IL1RAPL2: variants seen among roughly 807,000 people sequenced by gnomAD.
The protein encoded by IL1RAPL2 is interleukin 1 receptor accessory protein like 2.
A neutral mutation model predicts 44.1 loss-of-function variants in IL1RAPL2; 3 were observed. The observed-to-expected ratio is 0.07, with a 90% CI of 0.03 to 0.18. The LOEUF (loss-of-function observed/expected upper bound fraction) is 0.18. Among genes scored for constraint, IL1RAPL2 ranks in the 10% least tolerant of loss-of-function variants. The pLI is 1.00. For missense variants in IL1RAPL2, 391 were observed against 496.4 expected (o/e 0.79, Z 2.02); for synonymous variants, 181 against 178.8 (o/e 1.01, Z -0.10).
chrX:105,406,059 C>T (rs749615760), intron 5 of IL1RAPL2: 4 of 1,198,466 alleles, frequency 3.3e-6, no homozygotes, highest in African/African-American at 1.8e-5. Context: ...TACAACTACA[C>T]GCATTACTCC....
At chrX:105,504,207 C>T (rs1210432532) in intron 6 of IL1RAPL2, among the ~76,000 whole-genome samples, 1 of 111,312 alleles carries the variant, frequency 9.0e-6, no homozygotes, top group African/African-American at 3.3e-5. Context: ...TGGAAAGATA[C>T]ACTATTAGAC....
intron 2 of IL1RAPL2, among the ~76,000 whole-genome samples, chrX:104,673,177 C>A (rs1271832655): frequency 9.0e-6 from 1 of 111,628 alleles, no homozygotes; most frequent in African/African-American, 3.3e-5. Flanking sequence ...TTGCCCATGC[C>A]TATGTCCTGA....
At chrX:105,252,549 C>A (rs1261946401) in intron 4 of IL1RAPL2, among the ~76,000 whole-genome samples, 6 of 111,754 alleles carry the variant, frequency 5.4e-5, no homozygotes, top group African/African-American at 1.6e-4. Flanking sequence ...TTGAGTATAT[C>A]TTTAATGGCA....
intron 2 of IL1RAPL2, among the ~76,000 whole-genome samples, chrX:104,701,546 C>G (rs370981979): frequency 3.6e-5 from 4 of 112,009 alleles, no homozygotes; most frequent in African/African-American, 1.3e-4. Flanking sequence ...TGTTTACCAG[C>G]TACTGATGTC....
intron 2 of IL1RAPL2, among the ~76,000 whole-genome samples, chrX:105,182,643 A>G (rs1441970310): frequency 8.9e-6 from 1 of 111,892 alleles, no homozygotes; most frequent in Non-Finnish European, 1.9e-5. Context: ...GTTATTATTG[A>G]TAAGTGAGTA....
At chrX:104,948,325 A>T (rs1029116683) in intron 2 of IL1RAPL2, among the ~76,000 whole-genome samples, 1 of 108,888 alleles carries the variant, frequency 9.2e-6, no homozygotes, top group Non-Finnish European at 1.9e-5. Context: ...GGGCTGAGAC[A>T]ATGGGGTTTT....
At chrX:105,241,864 C>T (rs187896657) in intron 4 of IL1RAPL2, among the ~76,000 whole-genome samples, 116 of 112,252 alleles carry the variant, frequency 1.0e-3, no homozygotes, top group Non-Finnish European at 1.7e-4. Flanking sequence ...CAAAAATCCA[C>T]ATTCCCATGC....
chrX:105,324,536 T>TTA (rs10654697), intron 5 of IL1RAPL2, among the ~76,000 whole-genome samples: 11,176 of 110,261 alleles, frequency 0.1, 1,483 homozygotes, highest in African/African-American at 0.35. Context: ...TTTAGCATAG[T>TTA]TATATATATA....
At chrX:105,222,541 C>T (rs2033975094) in intron 3 of IL1RAPL2, among the ~76,000 whole-genome samples, 1 of 111,912 alleles carries the variant, frequency 8.9e-6, no homozygotes, top group African/African-American at 3.2e-5. Context: ...ACAGAAAGAG[C>T]ATCCAGAAGA....
At chrX:105,319,448 A>G (rs1193161166) in intron 5 of IL1RAPL2, among the ~76,000 whole-genome samples, 1 of 111,871 alleles carries the variant, frequency 8.9e-6, no homozygotes, top group African/African-American at 3.3e-5. Flanking sequence ...GGGCAGGAAC[A>G]TCATAACTTT....
rs113757016 is a variant in IL1RAPL2 at position 104,569,967 on chromosome X, C to G, written c.-20+2916C>G. Among the ~76,000 whole-genome samples the G allele has an allele frequency of 3.0e-3, 342 of 112,204 alleles. 2 individuals are homozygous for G. Among genetic ancestry groups the G allele is most frequent in the African/African-American group, 0.011 (325 of 30,912 alleles). On this transcript the variant is annotated intron_variant, in intron 1 of 10. Transcript: ENST00000372582. ...ATTTGGAAATTTCCTGTAACTGCAG[C>G]AGTAATGATTACAGCTGGGACTGTT...
At chrX:105,281,018 T>C (rs771178967) in intron 5 of IL1RAPL2, among the ~76,000 whole-genome samples, 14 of 111,612 alleles carry the variant, frequency 1.3e-4, no homozygotes, top group Admixed American at 1.2e-3. Flanking sequence ...TACTTGGAAC[T>C]AACCCAAATG....
chrX:104,686,278 T>C (rs1434351532), intron 2 of IL1RAPL2, among the ~76,000 whole-genome samples: 1 of 112,311 alleles, frequency 8.9e-6, no homozygotes, highest in Non-Finnish European at 1.9e-5. Context: ...TAAGGTGTTA[T>C]GAAATATTCA....
intron 4 of IL1RAPL2, among the ~76,000 whole-genome samples, chrX:105,242,654 G>A (rs2034181130): frequency 1.8e-5 from 2 of 111,021 alleles, no homozygotes; most frequent in South Asian, 7.6e-4. Context: ...CAAGATTTTG[G>A]TCTAAAAATT....
intron 5 of IL1RAPL2, among the ~76,000 whole-genome samples, chrX:105,416,136 A>G (rs1055981747): frequency 1.8e-5 from 2 of 112,164 alleles, no homozygotes; most frequent in Non-Finnish European, 3.8e-5. Flanking sequence ...AGGTATAGAT[A>G]TAGATAAAAT....
intron 2 of IL1RAPL2, among the ~76,000 whole-genome samples, chrX:105,033,844 A>T (rs1474549514): frequency 8.9e-6 from 1 of 111,832 alleles, no homozygotes; most frequent in Non-Finnish European, 1.9e-5. Context: ...CATTCTCCCC[A>T]TCACTTTCAG....
At chrX:105,673,319 C>A (rs182790166) in intron 6 of IL1RAPL2, among the ~76,000 whole-genome samples, 1 of 110,635 alleles carries the variant, frequency 9.0e-6, no homozygotes, top group Non-Finnish European at 1.9e-5. Context: ...CTCTCCCTAC[C>A]CCCATCCCAC....
At chrX:105,713,709 C>T (rs1273213698) in intron 6 of IL1RAPL2, among the ~76,000 whole-genome samples, 1 of 111,560 alleles carries the variant, frequency 9.0e-6, no homozygotes, top group East Asian at 2.8e-4. Context: ...GAGAGGCTGT[C>T]TCAAAGATCT....
chrX:105,660,987 G>T (rs1316518425), intron 6 of IL1RAPL2, among the ~76,000 whole-genome samples: 5 of 110,660 alleles, frequency 4.5e-5, no homozygotes, highest in Non-Finnish European at 9.5e-5. Context: ...GATGTTCAGT[G>T]GTTGGATAGA....
Sources: gnomAD v4.1 joint callset for allele counts (sites outside exome capture counted in the v4.1 genomes callset) on GRCh38, gnomAD v4.1.1 for gene constraint, MANE v1.5 for transcripts, NCBI Gene and HGNC (gene_info 2026-07-23, HGNC 2026-07-21) for gene names.